Variants in IMMP1L observed in about 807,000 individuals in gnomAD.
The protein encoded by IMMP1L is inner mitochondrial membrane peptidase subunit 1.
In IMMP1L, 24 loss-of-function variants were observed where a neutral mutation model predicts 21.8. The ratio of observed to expected loss-of-function variants is 1.10; its 90% CI spans 0.80 to 1.55. The LOEUF (loss-of-function observed/expected upper bound fraction) is 1.55. Among genes scored for constraint, IMMP1L ranks in the 40% most tolerant of loss-of-function variants. IMMP1L has a pLI of 0.00. For synonymous variants in IMMP1L, 46 were observed against 62.8 expected, an observed-to-expected ratio of 0.73 and a Z score of 1.26; for missense variants, 195 against 200.7, an observed-to-expected ratio of 0.97 and a Z score of 0.17.
chr11:31,434,378 A>AT (rs1273152112), intron 4 of IMMP1L, among the ~76,000 whole-genome samples: 1 of 152,188 alleles, frequency 6.6e-6, no homozygotes, highest in Non-Finnish European at 1.5e-5. Flanking sequence ...TTTCTGTTCA[A>AT]TGTAAACTAA....
chr11:31,435,967 C>A (rs1395357608), intron 4 of IMMP1L, among the ~76,000 whole-genome samples: 1 of 151,932 alleles, frequency 6.6e-6, no homozygotes, highest in Non-Finnish European at 1.5e-5. Context: ...TAATTTAATA[C>A]CTTGGTAATA....
intron 1 of IMMP1L, among the ~76,000 whole-genome samples, chr11:31,498,661 G>A (rs1283415372): frequency 1.3e-5 from 2 of 152,188 alleles, no homozygotes; most frequent in Non-Finnish European, 2.9e-5. Flanking sequence ...TATTTGGACT[G>A]AAGTGGAAAA....
At chr11:31,461,788 A>G (rs989519007) in intron 2 of IMMP1L, among the ~76,000 whole-genome samples, 4 of 152,194 alleles carry the variant, frequency 2.6e-5, no homozygotes, top group South Asian at 2.1e-4. Context: ...TCTAAAATCC[A>G]TAACACTTCT....
intron 1 of IMMP1L, among the ~76,000 whole-genome samples, chr11:31,472,968 C>T (rs1336944802): frequency 2.6e-5 from 4 of 152,122 alleles, no homozygotes; most frequent in Non-Finnish European, 4.4e-5. Flanking sequence ...CAGGTTCACA[C>T]CATTCTCCTG....
intron 1 of IMMP1L, among the ~76,000 whole-genome samples, chr11:31,471,859 T>C (rs1019618197): frequency 6.6e-6 from 1 of 152,184 alleles, no homozygotes; most frequent in Non-Finnish European, 1.5e-5. Flanking sequence ...AGTTGATAGG[T>C]CAGAAGTCTA....
intron 1 of IMMP1L, among the ~76,000 whole-genome samples, chr11:31,479,033 C>T (rs2133743669): frequency 6.6e-6 from 1 of 151,970 alleles, no homozygotes; most frequent in East Asian, 1.9e-4. Flanking sequence ...ACAGCTATAC[C>T]AGCTTATCTA....
intron 4 of IMMP1L, 34 bp from the exon 5 acceptor site, chr11:31,433,604 A>T: frequency 7.6e-7 from 1 of 1,321,512 alleles, no homozygotes; most frequent in Non-Finnish European, 1.1e-6. Flanking sequence ...CCTCTTAAAG[A>T]TAAAACCTAA....
intron 4 of IMMP1L, 107 bp from the exon 5 acceptor site, chr11:31,433,677 T>C: frequency 3.7e-6 from 2 of 544,642 alleles, no homozygotes; most frequent in South Asian, 7.1e-5. Context: ...TAAGGCTCTC[T>C]TTTATAGAAT....
intron 1 of IMMP1L, among the ~76,000 whole-genome samples, chr11:31,508,168 GA>G (rs897341076): frequency 1.0e-4 from 15 of 149,204 alleles, no homozygotes; most frequent in African/African-American, 2.0e-4. Context: ...AAAAGTTGAA[GA>G]AAAAAAAAAT....
At position 31,505,536 on chromosome 11, in the gene IMMP1L, A is replaced by G. The variant is rs1198484052; in HGVS notation, c.-30+3983T>C. 2.6e-5 allele frequency among the ~76,000 whole-genome samples: 4 copies of G among 152,234 alleles called. No homozygotes were observed. The East Asian group carries it at 7.7e-4, about 29-fold the overall frequency. ...GTGACTTCTTCTGACATGGACCCCTATTATAACACAGATACTAAAACTAAA... is the reference window on the plus strand; with the variant it reads ...GTGACTTCTTCTGACATGGACCCCTGTTATAACACAGATACTAAAACTAAA... On this transcript the variant is annotated intron_variant, in intron 1 of 5. Transcript: ENST00000532287.
At chr11:31,491,736 G>C (rs1447709764) in intron 1 of IMMP1L, among the ~76,000 whole-genome samples, 1 of 152,210 alleles carries the variant, frequency 6.6e-6, no homozygotes, top group Admixed American at 6.5e-5. Context: ...CTTTTCTGAA[G>C]AGATTAGGTA....
chr11:31,443,998 T>C (rs572444418), intron 4 of IMMP1L, among the ~76,000 whole-genome samples: 24 of 152,292 alleles, frequency 1.6e-4, no homozygotes, highest in African/African-American at 5.5e-4. Flanking sequence ...AGATAAGCTC[T>C]TTCATCTTCT....
At chr11:31,476,311 A>C (rs1422938444) in intron 1 of IMMP1L, among the ~76,000 whole-genome samples, 1 of 152,048 alleles carries the variant, frequency 6.6e-6, no homozygotes, top group Non-Finnish European at 1.5e-5. Context: ...TTATTCATTC[A>C]AAATGTGGTA....
intron 1 of IMMP1L, among the ~76,000 whole-genome samples, chr11:31,467,283 T>C (rs1174824400): frequency 6.6e-6 from 1 of 152,146 alleles, no homozygotes; most frequent in African/African-American, 2.4e-5. Context: ...TATAAAAAAA[T>C]GTCATCCTAG....
chr11:31,469,144 A>C (rs901065561), intron 1 of IMMP1L, among the ~76,000 whole-genome samples: 39 of 152,198 alleles, frequency 2.6e-4, no homozygotes, highest in African/African-American at 2.4e-5. Context: ...CATTTAAAAA[A>C]TTGGGCTACT....
At chr11:31,486,603 G>C (rs1955086594) in intron 1 of IMMP1L, among the ~76,000 whole-genome samples, 1 of 151,860 alleles carries the variant, frequency 6.6e-6, no homozygotes, top group Non-Finnish European at 1.5e-5. Context: ...ATGTACACAT[G>C]ATATGTAACC....
chr11:31,495,700 G>A (rs1955408652), intron 1 of IMMP1L, among the ~76,000 whole-genome samples: 1 of 152,146 alleles, frequency 6.6e-6, no homozygotes, highest in African/African-American at 2.4e-5. Context: ...AGAATAAAGA[G>A]CACAGAAATA....
At chr11:31,502,835 C>A (rs1955664056) in intron 1 of IMMP1L, among the ~76,000 whole-genome samples, 1 of 152,128 alleles carries the variant, frequency 6.6e-6, no homozygotes, top group African/African-American at 2.4e-5. Context: ...AATTTCTTTT[C>A]TTTTTTTGCT....
intron 1 of IMMP1L, among the ~76,000 whole-genome samples, chr11:31,484,014 AGTTT>A (rs1050235354): frequency 1.3e-5 from 2 of 151,862 alleles, no homozygotes; most frequent in African/African-American, 2.4e-5. Flanking sequence ...AGATTATTAT[AGTTT>A]GTTTAATTTG....
Sources: allele counts gnomAD v4.1 joint callset (sites outside exome capture counted in the v4.1 genomes callset), GRCh38; gene constraint gnomAD v4.1.1; transcripts MANE v1.5; gene names NCBI Gene and HGNC (gene_info 2026-07-23, HGNC 2026-07-21).